The following VSIG10 variants were observed in gnomAD, a reference collection of about 807,000 sequenced individuals.
The protein encoded by VSIG10 is V-set and immunoglobulin domain-containing protein 10.
Under a neutral mutation model 58.7 loss-of-function variants are expected in VSIG10, and 48 were observed. The observed-to-expected ratio is 0.82, with a 90% CI of 0.65 to 1.04. The LOEUF (loss-of-function observed/expected upper bound fraction) is 1.04, where lower values mean the gene tolerates loss of function less well. Among genes scored for constraint, VSIG10 ranks in the 50% least tolerant of loss-of-function variants. The pLI, the probability that VSIG10 is intolerant of heterozygous loss-of-function variation, is 0.00. For missense variants in VSIG10, 628 were observed against 670.0 expected (o/e 0.94, Z 0.69); for synonymous variants, 260 against 267.1 (o/e 0.97, Z 0.26).
chr12:118,075,871 G>C (rs1191076988), intron 4 of VSIG10, among the ~76,000 whole-genome samples: 1 of 152,160 alleles, frequency 6.6e-6, no homozygotes, highest in Admixed American at 6.6e-5. Flanking sequence ...AATGCAGCTA[G>C]GATTCAGAGT....
At chr12:118,090,396 A>G (rs1459796743) in intron 2 of VSIG10, among the ~76,000 whole-genome samples, 1 of 152,244 alleles carries the variant, frequency 6.6e-6, no homozygotes, top group Non-Finnish European at 1.5e-5. Flanking sequence ...GTATCTGCAA[A>G]GACCCTATTT....
chr12:118,088,503 A>C (rs2033199003), intron 2 of VSIG10, among the ~76,000 whole-genome samples: 1 of 152,160 alleles, frequency 6.6e-6, no homozygotes, highest in Non-Finnish European at 1.5e-5. Context: ...AGCTAATAGA[A>C]CGTGGATTTG....
intron 1 of VSIG10, among the ~76,000 whole-genome samples, chr12:118,096,215 G>A (rs1001186260): frequency 5.9e-5 from 9 of 152,026 alleles, no homozygotes; most frequent in African/African-American, 4.8e-5. Flanking sequence ...GGCCGAGGTG[G>A]GCGGATCACA....
At chr12:118,096,774 C>T (rs950057019) in intron 1 of VSIG10, among the ~76,000 whole-genome samples, 7 of 149,696 alleles carry the variant, frequency 4.7e-5, no homozygotes, top group African/African-American at 1.5e-4. Context: ...CGTAGCGGCT[C>T]ATGCCTGTAA....
At chr12:118,076,251 C>G (rs1251180531) in intron 4 of VSIG10, among the ~76,000 whole-genome samples, 1 of 152,138 alleles carries the variant, frequency 6.6e-6, no homozygotes, top group Non-Finnish European at 1.5e-5. Context: ...TTTGGACGCT[C>G]TAGAGCAAGC....
chr12:118,066,527 T>C lies in VSIG10; in HGVS notation c.*112A>G, dbSNP rs990450327. 1 of 1,146,642 alleles carries C rather than the reference T, an allele frequency of 8.7e-7. No individual in the cohort carries two copies. The highest frequency in any genetic ancestry group is 1.3e-6 in the Non-Finnish European group (1 of 762,184). 71.0% of individuals were successfully genotyped at this position (1,146,642 alleles called of 1,614,324 possible). On this transcript the variant is annotated 3_prime_UTR_variant, in exon 9 of 9. Coordinates refer to ENST00000359236, the MANE Select transcript of VSIG10 (RefSeq NM_019086.6). Reference sequence around the variant, plus strand: ...TTTTTTGCTGAGACCCAAACATTGTTAGTGCAAGCCCCCGCCAGGGGTGCA... The same window carrying C: ...TTTTTTGCTGAGACCCAAACATTGTCAGTGCAAGCCCCCGCCAGGGGTGCA...
chr12:118,087,163 C>T (rs1425962354), intron 2 of VSIG10, among the ~76,000 whole-genome samples: 2 of 151,938 alleles, frequency 1.3e-5, no homozygotes, highest in Admixed American at 6.6e-5. Flanking sequence ...CATTTAGAAG[C>T]AGAGTCTCAA....
Position 118,064,110 on chromosome 12 carries a change from CTG to C in VSIG10, c.*2527_*2528del, listed in dbSNP as rs1324393094. 1.3e-5 allele frequency: 2 copies of C among 152,182 alleles called. No individual in the cohort carries two copies. The highest frequency in any genetic ancestry group is 2.9e-5 in the Non-Finnish European group (2 of 68,038). The allele number at this position is 152,182 out of a possible 1,614,324, so 9.4% of individuals were successfully genotyped here. On this transcript the variant is annotated 3_prime_UTR_variant, in exon 9 of 9. Transcript: ENST00000359236. ...AACAACTTGGACTTTGCCACACAAA[CTG>C]TAATCCACTGTCAACAAGCTTGTGG...
intron 2 of VSIG10, among the ~76,000 whole-genome samples, chr12:118,091,959 A>G (rs1274749062): frequency 2.6e-5 from 4 of 152,090 alleles, no homozygotes; most frequent in Admixed American, 1.3e-4. Context: ...GGGTTTCACC[A>G]TGTTAGCCAG....
intron 1 of VSIG10, among the ~76,000 whole-genome samples, chr12:118,100,500 A>C (rs979084901): frequency 5.3e-5 from 8 of 152,122 alleles, no homozygotes; most frequent in Non-Finnish European, 1.2e-4. Context: ...CTGTCTCAAA[A>C]AAAAAAGCAG....
chr12:118,080,167 CTTT>C (rs71069407), intron 3 of VSIG10, among the ~76,000 whole-genome samples: 1 of 142,658 alleles, frequency 7.0e-6, no homozygotes. Context: ...TTTTTCTTTT[CTTT>C]TTTTTTTTTA....
At chr12:118,086,057 G>T (rs2033115880) in intron 2 of VSIG10, among the ~76,000 whole-genome samples, 1 of 151,744 alleles carries the variant, frequency 6.6e-6, no homozygotes, top group Admixed American at 6.6e-5. Flanking sequence ...TACTTGGGAG[G>T]CGAGGCAGGA....
At chr12:118,102,641 C>A (rs1294922310) in intron 1 of VSIG10, 1 of 152,032 alleles carries the variant, frequency 6.6e-6, no homozygotes, top group Non-Finnish European at 1.5e-5. Flanking sequence ...ATTAGGAACT[C>A]TTGGCACTTG....
Position 118,069,474 on chromosome 12 carries a change from G to T in VSIG10, c.1347-877C>A, listed in dbSNP as rs535357940. ...GAGTTTCATTCTTGTTGCCCAGGCT[G>T]GAGTGCAATGGCACAATCATGGCTC... On this transcript the variant is annotated intron_variant, in intron 7 of 8. Coordinates refer to ENST00000359236, the MANE Select transcript of VSIG10 (RefSeq NM_019086.6). Among the ~76,000 whole-genome samples the T allele has an allele frequency of 3.9e-5, 5 of 128,366 alleles. No individual in the cohort carries two copies. The East Asian group carries it at 9.4e-4, about 24-fold the overall frequency. The allele number at this position is 128,366 out of a possible 152,430, so 84.2% of individuals were successfully genotyped here.
At chr12:118,094,446 C>T (rs7974641) in intron 2 of VSIG10, among the ~76,000 whole-genome samples, 33,086 of 151,864 alleles carry the variant, frequency 0.22, 3,949 homozygotes, top group Middle Eastern at 0.32. Context: ...TGCAGTGGCA[C>T]GATCTCGGCT....
chr12:118,089,987 A>T (rs1324709458), intron 2 of VSIG10, among the ~76,000 whole-genome samples: 3 of 152,174 alleles, frequency 2.0e-5, no homozygotes, highest in Non-Finnish European at 4.4e-5. Flanking sequence ...CCCCTGCTGG[A>T]AGCTCCCGGA....
chr12:118,068,090 G>C (rs182058171), intron 8 of VSIG10, among the ~76,000 whole-genome samples: 121 of 136,784 alleles, frequency 8.8e-4, no homozygotes, highest in African/African-American at 3.1e-3. Context: ...GTGCAGTGGT[G>C]TGATCATAGC....
intron 4 of VSIG10, among the ~76,000 whole-genome samples, chr12:118,074,481 ATT>A (rs775667191): frequency 2.2e-5 from 3 of 137,064 alleles, no homozygotes. Context: ...GAAATGAACA[ATT>A]TTTTTTTTTT....
intron 7 of VSIG10, among the ~76,000 whole-genome samples, chr12:118,068,938 C>T (rs1171152487): frequency 6.6e-6 from 1 of 152,184 alleles, no homozygotes; most frequent in African/African-American, 2.4e-5. Flanking sequence ...AATCTCTCCC[C>T]TTCCTCATTT....
Sources: allele counts gnomAD v4.1 joint callset (sites outside exome capture counted in the v4.1 genomes callset), GRCh38; gene constraint gnomAD v4.1.1; transcripts MANE v1.5; gene names NCBI Gene and HGNC (gene_info 2026-07-23, HGNC 2026-07-21).